EGF: variants seen among roughly 807,000 people sequenced by gnomAD.
EGF encodes epidermal growth factor.
Under a neutral mutation model 143.8 loss-of-function variants are expected in EGF, and 95 were observed. That is an observed-to-expected ratio of 0.66 (90% CI 0.56 to 0.78). The LOEUF is 0.78. Ranked by LOEUF, EGF falls within the 30% of genes least tolerant of loss-of-function variation. The probability of loss-of-function intolerance (pLI) is 0.00; values close to 1 mark genes in which losing one functional copy is unlikely to be tolerated. For synonymous variants in EGF, 510 were observed against 510.5 expected (o/e 1.00, Z 0.01); for missense variants, 1,320 against 1,470.9 (o/e 0.90, Z 1.68).
chr4:109,998,728 A>T (rs1190992122), intron 20 of EGF, among the ~76,000 whole-genome samples: 1 of 152,150 alleles, frequency 6.6e-6, no homozygotes, highest in African/African-American at 2.4e-5. Flanking sequence ...TCTTCTCACT[A>T]TGGGCACTGG....
At chr4:109,945,046 CTTTTT>C in intron 4 of EGF, 22 bp from the exon 5 acceptor site, 1 of 1,610,094 alleles carries the variant, frequency 6.2e-7, no homozygotes, top group Non-Finnish European at 8.5e-7. Context: ...TTCTGTTGTT[CTTTTT>C]TCTTTTGTGG....
chr4:109,970,188 G>T (rs913074766), intron 11 of EGF, among the ~76,000 whole-genome samples: 1 of 152,138 alleles, frequency 6.6e-6, no homozygotes, highest in African/African-American at 2.4e-5. Context: ...GAACTGAATG[G>T]CAGGAAGCAG....
chr4:109,999,525 C>A (rs767206164), intron 20 of EGF, among the ~76,000 whole-genome samples, 154 bp from the exon 21 acceptor site: 1 of 152,146 alleles, frequency 6.6e-6, no homozygotes, highest in South Asian at 2.1e-4. Flanking sequence ...TAAATCATAG[C>A]GCTTTCAACT....
intron 10 of EGF, among the ~76,000 whole-genome samples, chr4:109,967,514 C>T (rs2126076552): frequency 6.6e-6 from 1 of 152,080 alleles, no homozygotes; most frequent in South Asian, 2.1e-4. Flanking sequence ...CGTCTGTGCT[C>T]TTCAGGCTTA....
intron 11 of EGF, among the ~76,000 whole-genome samples, chr4:109,971,073 C>T (rs1010065302): frequency 1.6e-4 from 25 of 152,086 alleles, no homozygotes; most frequent in African/African-American, 5.1e-4. Context: ...TTGTTATCTC[C>T]AATTTAAAGA....
chr4:109,973,162 T>C (rs773419346), intron 11 of EGF, among the ~76,000 whole-genome samples: 1 of 152,194 alleles, frequency 6.6e-6, no homozygotes, highest in Non-Finnish European at 1.5e-5. Context: ...TGTTTGCTCC[T>C]GAAGGGGGCA....
At chr4:109,986,164 C>T (rs1750080313) in intron 16 of EGF, among the ~76,000 whole-genome samples, 1 of 152,222 alleles carries the variant, frequency 6.6e-6, no homozygotes, top group African/African-American at 2.4e-5. Flanking sequence ...TGGCTGTAGC[C>T]TGTCCCTCCT....
chr4:109,951,195 A>ATAAAATAAAATAAAG (rs1468055610), intron 5 of EGF, among the ~76,000 whole-genome samples: 1 of 150,360 alleles, frequency 6.7e-6, no homozygotes. Context: ...ATAAAATAAA[A>ATAAAATAAAATAAAG]TAAAATGCAA....
intron 5 of EGF, among the ~76,000 whole-genome samples, chr4:109,950,060 C>A (rs932504144): frequency 1.3e-5 from 2 of 152,186 alleles, no homozygotes; most frequent in Non-Finnish European, 2.9e-5. Context: ...GCTGTCTGTA[C>A]CTTCCAAGCT....
chr4:110,004,540 C>G lies in EGF; in HGVS notation c.3209C>G (p.Pro1070Arg). ...QKLLSKNPKN[P>R]YEESSRDVRS... is the part of the protein sequence containing the mutation. ...CTGCTATCGAAAAACCCAAAGAATC[C>G]TTATGAGGAGTCGAGCAGAGATGTG... Residue 1070 changes from proline to arginine, a missense_variant, in exon 22 of 24, where the codon CCT becomes CGT. Pro to Arg is a moderately radical substitution (Grantham distance 103). Transcript: ENST00000265171. The G allele has an allele frequency of 6.2e-7, 1 of 1,614,052 alleles. No individual in the cohort carries two copies. The highest frequency in any genetic ancestry group is 8.5e-7 in the Non-Finnish European group (1 of 1,179,960).
chr4:109,920,635 C>T (rs1396543757), intron 1 of EGF, among the ~76,000 whole-genome samples: 1 of 151,538 alleles, frequency 6.6e-6, no homozygotes, highest in Non-Finnish European at 1.5e-5. Context: ...AAATTTGGGC[C>T]ATCCTAGAGC....
chr4:109,924,898 C>A (rs952320636), intron 1 of EGF, among the ~76,000 whole-genome samples: 1 of 152,076 alleles, frequency 6.6e-6, no homozygotes, highest in Admixed American at 6.5e-5. Flanking sequence ...TTATTATTAG[C>A]GACGAACCTC....
At chr4:109,971,625 G>A (rs1368162505) in intron 11 of EGF, among the ~76,000 whole-genome samples, 1 of 152,146 alleles carries the variant, frequency 6.6e-6, no homozygotes, top group African/African-American at 2.4e-5. Context: ...CAGTTCATTG[G>A]CTTCAGTAAT....
chr4:109,995,267 T>C (rs1202182848), intron 20 of EGF, among the ~76,000 whole-genome samples: 1 of 152,250 alleles, frequency 6.6e-6, no homozygotes, highest in Non-Finnish European at 1.5e-5. Context: ...ATCCGTGATC[T>C]GTTTCTGGAT....
chr4:109,978,854 A>G (rs1407112245), intron 13 of EGF, among the ~76,000 whole-genome samples: 1 of 152,222 alleles, frequency 6.6e-6, no homozygotes, highest in East Asian at 1.9e-4. Context: ...ATCAACAATG[A>G]TAAGTGGAGA....
intron 1 of EGF, among the ~76,000 whole-genome samples, chr4:109,925,708 G>T (rs967931096): frequency 6.6e-6 from 1 of 152,168 alleles, no homozygotes; most frequent in African/African-American, 2.4e-5. Flanking sequence ...AGGGAAAAAT[G>T]CAACAGAAAA....
intron 21 of EGF, among the ~76,000 whole-genome samples, chr4:110,003,539 A>T (rs1752851107): frequency 6.6e-6 from 1 of 152,106 alleles, no homozygotes; most frequent in South Asian, 2.1e-4. Context: ...CTCTTCCTGG[A>T]ACGTCCAGGT....
At chr4:109,991,324 A>G (rs983865008) in intron 18 of EGF, among the ~76,000 whole-genome samples, 4 of 152,164 alleles carry the variant, frequency 2.6e-5, no homozygotes, top group African/African-American at 4.8e-5. Flanking sequence ...CTTAATATGA[A>G]CTAGATGCAT....
intron 21 of EGF, chr4:110,001,530 GA>G (rs3216213): frequency 0.055 from 44,100 of 795,478 alleles, 1,331 homozygotes; most frequent in East Asian, 0.17. Context: ...CAAAGGGCAG[GA>G]AAAAAAAATG....
Sources: gnomAD v4.1 joint callset for allele counts (sites outside exome capture counted in the v4.1 genomes callset) on GRCh38, gnomAD v4.1.1 for gene constraint, MANE v1.5 for transcripts, NCBI Gene and HGNC (gene_info 2026-07-23, HGNC 2026-07-21) for gene names.